Variants in GRM1 observed in about 807,000 individuals in gnomAD.
The protein encoded by GRM1 is metabotropic glutamate receptor 1.
GRM1 carries 33 observed loss-of-function variants against 90.9 expected under a neutral mutation model. That is an observed-to-expected ratio of 0.36 (90% CI 0.28 to 0.49). The LOEUF (loss-of-function observed/expected upper bound fraction) is 0.49. Ranked by LOEUF, GRM1 falls within the 20% of genes least tolerant of loss-of-function variation. The pLI is 0.99. For synonymous variants in GRM1, 700 were observed against 613.2 expected (o/e 1.14, Z -2.09); for missense variants, 1,190 against 1,534.3 (o/e 0.78, Z 3.75).
At chr6:146,078,227 A>G (rs1424476661) in intron 1 of GRM1, among the ~76,000 whole-genome samples, 1 of 152,166 alleles carries the variant, frequency 6.6e-6, no homozygotes, top group East Asian at 1.9e-4. Context: ...ATTATTATTC[A>G]GGCTGAGATC....
chr6:146,309,089 A>G (rs1783688143), intron 3 of GRM1, among the ~76,000 whole-genome samples: 1 of 152,144 alleles, frequency 6.6e-6, no homozygotes, highest in Non-Finnish European at 1.5e-5. Flanking sequence ...AATTTCTAGA[A>G]GTTTAATCAA....
intron 1 of GRM1, among the ~76,000 whole-genome samples, chr6:146,126,570 C>A (rs1348160545): frequency 6.6e-6 from 1 of 152,074 alleles, no homozygotes; most frequent in East Asian, 1.9e-4. Flanking sequence ...TTAAATCGAT[C>A]TATTACAGAC....
intron 1 of GRM1, among the ~76,000 whole-genome samples, chr6:146,044,965 G>A (rs1791271404): frequency 6.6e-6 from 1 of 151,854 alleles, no homozygotes; most frequent in East Asian, 1.9e-4. Context: ...GTAGATCTGG[G>A]GTGGGCCTGA....
At chr6:146,216,311 G>A (rs1779869150) in intron 2 of GRM1, among the ~76,000 whole-genome samples, 2 of 151,984 alleles carry the variant, frequency 1.3e-5, no homozygotes, top group Admixed American at 1.3e-4. Flanking sequence ...GAATTTTAAT[G>A]CTTTTTTCTT....
intron 3 of GRM1, among the ~76,000 whole-genome samples, chr6:146,321,100 T>G (rs916914032): frequency 1.3e-5 from 2 of 152,244 alleles, no homozygotes; most frequent in African/African-American, 4.8e-5. Context: ...CTTTCCCATG[T>G]GCATAATTAG....
chr6:146,149,429 A>T (rs996855523), intron 1 of GRM1, among the ~76,000 whole-genome samples: 1 of 152,176 alleles, frequency 6.6e-6, no homozygotes, highest in African/African-American at 2.4e-5. Context: ...CCACTTTCAG[A>T]TTCTACAGCT....
At chr6:146,316,169 T>C (rs1200952829) in intron 3 of GRM1, among the ~76,000 whole-genome samples, 1 of 152,188 alleles carries the variant, frequency 6.6e-6, no homozygotes. Context: ...GTTCCCTTGC[T>C]TTTTCTGGCT....
At chr6:146,233,015 T>G (rs1780499996) in intron 2 of GRM1, among the ~76,000 whole-genome samples, 1 of 152,042 alleles carries the variant, frequency 6.6e-6, no homozygotes. Flanking sequence ...CCTTTCTTCT[T>G]GATCAATGGG....
intron 1 of GRM1, among the ~76,000 whole-genome samples, chr6:146,071,326 T>C (rs1459021832): frequency 6.6e-6 from 1 of 152,186 alleles, no homozygotes; most frequent in Non-Finnish European, 1.5e-5. Context: ...TATTCTTTTC[T>C]GTGGTAGAAG....
At chr6:146,097,754 T>A (rs1776920102) in intron 1 of GRM1, among the ~76,000 whole-genome samples, 1 of 152,244 alleles carries the variant, frequency 6.6e-6, no homozygotes, top group Non-Finnish European at 1.5e-5. Flanking sequence ...AAGGAGCTTG[T>A]TCAAATTCAT....
chr6:146,339,163 C>A (rs1294096749), intron 3 of GRM1, among the ~76,000 whole-genome samples: 1 of 152,170 alleles, frequency 6.6e-6, no homozygotes, highest in African/African-American at 2.4e-5. Flanking sequence ...AATGAACTGG[C>A]ATTCTCATTT....
intron 1 of GRM1, among the ~76,000 whole-genome samples, chr6:146,149,516 A>G (rs1777238490): frequency 6.6e-6 from 1 of 152,222 alleles, no homozygotes; most frequent in African/African-American, 2.4e-5. Context: ...ATATAATTTA[A>G]TAATCATGAT....
intron 2 of GRM1, among the ~76,000 whole-genome samples, chr6:146,167,011 T>C (rs1280390038): frequency 6.6e-6 from 1 of 152,144 alleles, no homozygotes; most frequent in Non-Finnish European, 1.5e-5. Flanking sequence ...AAAGCAATCA[T>C]GATGTAGAAT....
intron 1 of GRM1, among the ~76,000 whole-genome samples, chr6:146,119,718 T>C (rs1014431919): frequency 1.3e-5 from 2 of 152,198 alleles, no homozygotes; most frequent in Admixed American, 6.5e-5. Context: ...TATTTCTTGT[T>C]TTTGTCAGGT....
chr6:146,225,643 A>T (rs1360692487), intron 2 of GRM1, among the ~76,000 whole-genome samples: 1 of 152,186 alleles, frequency 6.6e-6, no homozygotes, highest in African/African-American at 2.4e-5. Context: ...TGGAAAATAA[A>T]TTACATTCTA....
intron 4 of GRM1, among the ~76,000 whole-genome samples, chr6:146,354,192 G>A (rs1034689325): frequency 5.3e-5 from 8 of 152,170 alleles, no homozygotes; most frequent in Admixed American, 2.6e-4. Context: ...ACTGGAATGC[G>A]AGTGAGGTAG....
At chr6:146,080,104 A>T (rs531006618) in intron 1 of GRM1, among the ~76,000 whole-genome samples, 240 of 152,302 alleles carry the variant, frequency 1.6e-3, no homozygotes, top group Non-Finnish European at 2.7e-3. Context: ...GACTCGGAGC[A>T]TCTTCAAGAA....
intron 3 of GRM1, among the ~76,000 whole-genome samples, chr6:146,334,584 C>T (rs1411681891): frequency 2.6e-5 from 4 of 152,156 alleles, no homozygotes; most frequent in African/African-American, 9.7e-5. Context: ...TCCATTCTGT[C>T]CTCAGAATTT....
chr6:146,174,283 C>T (rs2114520704), intron 2 of GRM1, among the ~76,000 whole-genome samples: 1 of 152,192 alleles, frequency 6.6e-6, no homozygotes, highest in East Asian at 1.9e-4. Context: ...TGTGGAAACA[C>T]TACACAATAA....
Sources: allele counts gnomAD v4.1 joint callset (sites outside exome capture counted in the v4.1 genomes callset), GRCh38; gene constraint gnomAD v4.1.1; transcripts MANE v1.5; gene names NCBI Gene and HGNC (gene_info 2026-07-23, HGNC 2026-07-21).